Variants in SEMA6D observed in about 807,000 individuals in gnomAD.
The protein encoded by SEMA6D is semaphorin 6D.
Under a neutral mutation model 106.6 loss-of-function variants are expected in SEMA6D, and 35 were observed. The observed-to-expected ratio is 0.33, with a 90% CI of 0.25 to 0.44. The LOEUF is 0.44. Among genes scored for constraint, SEMA6D ranks in the 20% least tolerant of loss-of-function variants. The pLI is 1.00. For missense variants in SEMA6D, 1,185 were observed against 1,345.9 expected, an observed-to-expected ratio of 0.88 and a Z score of 1.87; for synonymous variants, 499 against 487.7, an observed-to-expected ratio of 1.02 and a Z score of -0.31.
At chr15:47,456,293 C>G (rs995436427) in intron 2 of SEMA6D, among the ~76,000 whole-genome samples, 1 of 151,866 alleles carries the variant, frequency 6.6e-6, no homozygotes, top group Non-Finnish European at 1.5e-5. Flanking sequence ...AGTCCATGAA[C>G]TTGTATAAGA....
At chr15:47,673,614 T>C (rs370345187) in intron 4 of SEMA6D, among the ~76,000 whole-genome samples, 31 of 152,288 alleles carry the variant, frequency 2.0e-4, no homozygotes, top group African/African-American at 7.0e-4. Context: ...GTAAGCTTCA[T>C]AATCAGCTGA....
chr15:47,346,720 G>T (rs2038060905), intron 1 of SEMA6D, among the ~76,000 whole-genome samples: 1 of 151,658 alleles, frequency 6.6e-6, no homozygotes, highest in South Asian at 2.1e-4. Flanking sequence ...TTTCATCTAA[G>T]AATGGTCCCA....
intron 2 of SEMA6D, among the ~76,000 whole-genome samples, chr15:47,420,242 CT>C (rs1342565727): frequency 1.3e-5 from 2 of 152,022 alleles, no homozygotes; most frequent in Non-Finnish European, 1.5e-5. Flanking sequence ...ATACCTTTGC[CT>C]TCCTTCAACA....
chr15:47,521,278 C>T (rs2044567405), intron 3 of SEMA6D, among the ~76,000 whole-genome samples: 1 of 152,142 alleles, frequency 6.6e-6, no homozygotes, highest in African/African-American at 2.4e-5. Flanking sequence ...CAGGGACCTG[C>T]ATTCTATGGA....
At chr15:47,715,509 A>G (rs541205515), upstream of SEMA6D, among the ~76,000 whole-genome samples, 73 of 152,334 alleles carry the variant, frequency 4.8e-4, no homozygotes, top group South Asian at 6.2e-4. Flanking sequence ...CATTCGTACC[A>G]TGCCACAGTG....
At chr15:47,739,933 A>T (rs1306780219) in intron 1 of SEMA6D, among the ~76,000 whole-genome samples, 3 of 152,246 alleles carry the variant, frequency 2.0e-5, no homozygotes, top group Non-Finnish European at 2.9e-5. Context: ...TCCGTATATT[A>T]AGTCTACAAC....
At chr15:47,698,656 A>T (rs932147447) in intron 4 of SEMA6D, among the ~76,000 whole-genome samples, 1 of 152,168 alleles carries the variant, frequency 6.6e-6, no homozygotes, top group Admixed American at 6.5e-5. Context: ...GCTAATTCAC[A>T]TATATAAAGT....
At chr15:47,488,400 T>C (rs2043360518) in intron 3 of SEMA6D, among the ~76,000 whole-genome samples, 1 of 152,146 alleles carries the variant, frequency 6.6e-6, no homozygotes, top group East Asian at 1.9e-4. Flanking sequence ...ATACATGTGA[T>C]TTTCAACTTG....
chr15:47,410,644 T>C (rs558618258), intron 1 of SEMA6D, among the ~76,000 whole-genome samples: 18 of 152,240 alleles, frequency 1.2e-4, no homozygotes, highest in African/African-American at 4.3e-4. Flanking sequence ...GGTAGGTGCA[T>C]TAAAATGACC....
chr15:47,490,226 C>T (rs962543226), intron 3 of SEMA6D, among the ~76,000 whole-genome samples: 3 of 152,162 alleles, frequency 2.0e-5, no homozygotes, highest in African/African-American at 4.8e-5. Flanking sequence ...CCTGGAGTAA[C>T]CCATACACAT....
At chr15:47,341,538 T>A (rs1193218487) in intron 1 of SEMA6D, among the ~76,000 whole-genome samples, 1 of 152,192 alleles carries the variant, frequency 6.6e-6, no homozygotes, top group Non-Finnish European at 1.5e-5. Context: ...GTGGACAGAT[T>A]GTATTCTCCC....
chr15:47,252,598 A>G (rs919030980), intron 1 of SEMA6D, among the ~76,000 whole-genome samples: 1 of 152,224 alleles, frequency 6.6e-6, no homozygotes, highest in African/African-American at 2.4e-5. Flanking sequence ...CTCTGTAGTT[A>G]CATAAGATCA....
At chr15:47,186,089 G>A (rs1375030444) in intron 1 of SEMA6D, among the ~76,000 whole-genome samples, 1 of 151,994 alleles carries the variant, frequency 6.6e-6, no homozygotes, top group Admixed American at 6.6e-5. Context: ...ATATATGTGT[G>A]TGCATATATA....
At chr15:47,248,374 G>A (rs1176818280) in intron 1 of SEMA6D, among the ~76,000 whole-genome samples, 1 of 152,170 alleles carries the variant, frequency 6.6e-6, no homozygotes, top group Non-Finnish European at 1.5e-5. Flanking sequence ...AGTAATGAAA[G>A]ACAGATGCCT....
intron 1 of SEMA6D, among the ~76,000 whole-genome samples, chr15:47,383,367 C>T (rs567464846): frequency 6.6e-6 from 1 of 152,260 alleles, no homozygotes; most frequent in Non-Finnish European, 1.5e-5. Flanking sequence ...GGATGTGAGA[C>T]GATAGTGCCT....
intron 1 of SEMA6D, among the ~76,000 whole-genome samples, chr15:47,223,944 A>G (rs914823018): frequency 1.3e-5 from 2 of 152,048 alleles, no homozygotes; most frequent in African/African-American, 4.8e-5. Flanking sequence ...TGTTTGCTAT[A>G]TGGTTGTCAT....
intron 2 of SEMA6D, among the ~76,000 whole-genome samples, chr15:47,459,954 A>T (rs1174358774): frequency 6.6e-6 from 1 of 152,042 alleles, no homozygotes; most frequent in Non-Finnish European, 1.5e-5. Context: ...CAATTCCACT[A>T]ACTCCTCCAT....
chr15:47,510,610 A>G (rs1000449078), intron 3 of SEMA6D, among the ~76,000 whole-genome samples: 1 of 152,230 alleles, frequency 6.6e-6, no homozygotes, highest in African/African-American at 2.4e-5. Context: ...CAAGACTTGC[A>G]TATATAAGAT....
At chr15:47,495,256 A>AT (rs796262432) in intron 3 of SEMA6D, among the ~76,000 whole-genome samples, 49 of 149,668 alleles carry the variant, frequency 3.3e-4, no homozygotes, top group Middle Eastern at 3.4e-3. Flanking sequence ...CCTTTGCTAT[A>AT]TTTTTTTTTT....
Sources: gnomAD v4.1 joint callset for allele counts (sites outside exome capture counted in the v4.1 genomes callset) on GRCh38, gnomAD v4.1.1 for gene constraint, MANE v1.5 for transcripts, NCBI Gene and HGNC (gene_info 2026-07-23, HGNC 2026-07-21) for gene names.